SLC26A11: variants seen among roughly 807,000 people sequenced by gnomAD.
SLC26A11 encodes sodium-independent sulfate anion transporter.
In SLC26A11, 58 loss-of-function variants were observed where a neutral mutation model predicts 62.2. The ratio of observed to expected loss-of-function variants is 0.93; its 90% CI spans 0.76 to 1.16. The LOEUF is 1.16. SLC26A11 is among the 50% of genes most tolerant of loss of function. SLC26A11 has a pLI of 0.00. For missense variants in SLC26A11, 790 were observed against 794.3 expected, an observed-to-expected ratio of 0.99 and a Z score of 0.06; for synonymous variants, 411 against 368.9, an observed-to-expected ratio of 1.11 and a Z score of -1.31.
At chr17:80,242,487 G>A (rs748278563) in intron 10 of SLC26A11, among the ~76,000 whole-genome samples, 1 of 152,176 alleles carries the variant, frequency 6.6e-6, no homozygotes, top group Non-Finnish European at 1.5e-5. Context: ...GGGGTCAAGA[G>A]GGGAAGGCTG....
At chr17:80,239,038 G>C (rs2042783464) in intron 9 of SLC26A11, among the ~76,000 whole-genome samples, 1 of 150,862 alleles carries the variant, frequency 6.6e-6, no homozygotes, top group Admixed American at 6.6e-5. Flanking sequence ...TGTTGGCCAG[G>C]CTGGTCTCAA....
rs572936192 is a variant in SLC26A11, at chr17:80,228,322, G to A, written c.736+362G>A. On this transcript the variant is annotated intron_variant, in intron 7 of 17. Transcript: ENST00000361193. The surrounding 1 kb of genome is among the most constrained non-coding windows in gnomAD (Gnocchi z 4.1). ...TGATTTTTGTATTTATAGTAGAGAC[G>A]GGGTTTCACCATGTTGACCATACTG... 5.3e-5 allele frequency among the ~76,000 whole-genome samples: 8 copies of A among 152,206 alleles called. No individual in the cohort carries two copies. The highest frequency in any genetic ancestry group is 3.4e-3 in the Middle Eastern group (1 of 294).
intron 15 of SLC26A11, 57 bp from the exon 16 acceptor site, chr17:80,249,097 C>T: frequency 6.4e-7 from 1 of 1,572,962 alleles, no homozygotes; most frequent in Non-Finnish European, 8.6e-7. Context: ...TTGGCCTCTG[C>T]AGAGCAGCTT....
At chr17:80,251,667 G>A (rs749516032) in intron 17 of SLC26A11, among the ~76,000 whole-genome samples, 2 of 151,886 alleles carry the variant, frequency 1.3e-5, no homozygotes, top group Non-Finnish European at 2.9e-5. Flanking sequence ...GGAGGCTGAA[G>A]CAGGAGAATC....
Position 80,248,330 on chromosome 17 carries a change from G to T in SLC26A11, c.1422+73G>T. 2.6e-6 allele frequency: 4 copies of T among 1,520,378 alleles called. No homozygotes were observed. In the South Asian group the frequency reaches 3.7e-5, roughly 14 times the overall value. The allele number at this position is 1,520,378 out of a possible 1,614,324, so 94.2% of individuals were successfully genotyped here. A position where few individuals can be genotyped will look rare whatever the true frequency, so the allele number is the denominator to read the frequency against. On this transcript the variant is annotated intron_variant, in intron 14 of 17. Coordinates refer to ENST00000361193, the MANE Select transcript of SLC26A11 (RefSeq NM_001166347.2). ...CCTGGGCATGGTCTTATGTTTTGAG[G>T]GTCCGGGGTGATTGTGGTCGTGGGT...
At chr17:80,237,819 C>T (rs555082272) in intron 9 of SLC26A11, among the ~76,000 whole-genome samples, 1 of 152,370 alleles carries the variant, frequency 6.6e-6, no homozygotes, top group South Asian at 2.1e-4. Context: ...AGTGTTGTAA[C>T]AGCCTCTGCT....
chr17:80,228,007 G>T lies in SLC26A11; in HGVS notation c.736+47G>T. 6.4e-7 allele frequency: 1 copy of T among 1,554,714 alleles called. No individual in the cohort carries two copies. Among genetic ancestry groups the T allele is most frequent in the Non-Finnish European group, 8.7e-7 (1 of 1,149,618 alleles). Reference sequence around the variant, plus strand: ...TCTTATGCAACCTTGGCTGCAGGTTGGGGTCACTTGGGGAGTCCTAGTCCC... The same window carrying T: ...TCTTATGCAACCTTGGCTGCAGGTTTGGGTCACTTGGGGAGTCCTAGTCCC... On this transcript the variant is annotated intron_variant, in intron 7 of 17. Transcript: ENST00000361193. The surrounding 1 kb of genome is among the most constrained non-coding windows in gnomAD (Gnocchi z 4.1).
chr17:80,224,321 G>C (rs1242804838), intron 5 of SLC26A11, among the ~76,000 whole-genome samples: 2 of 149,882 alleles, frequency 1.3e-5, no homozygotes, highest in Admixed American at 6.7e-5. Flanking sequence ...GAGAGTGTGA[G>C]TGTGTATGAG....
intron 6 of SLC26A11, among the ~76,000 whole-genome samples, chr17:80,226,694 C>T (rs578167982): frequency 1.3e-5 from 2 of 152,286 alleles, no homozygotes; most frequent in South Asian, 4.1e-4. Flanking sequence ...GAGTGAGACT[C>T]CATCTCCGCC....
rs370818561 is a variant in SLC26A11, at chr17:80,250,296, C to T, written c.1656+1009C>T. On this transcript the variant is annotated intron_variant, in intron 16 of 17. Transcript: ENST00000361193. ...GTATACCCCAGGTGTGGACCACAGC[C>T]GACCCTTGTCAGAGTTTCCTTCATT... Among the ~76,000 whole-genome samples the T allele has an allele frequency of 2.4e-4, 36 of 152,270 alleles. 1 individual carries two copies. The highest frequency in any genetic ancestry group is 7.7e-4 in the African/African-American group (32 of 41,550).
chr17:80,251,292 AC>A (rs1291666299), intron 16 of SLC26A11, 36 bp from the exon 17 acceptor site: 1 of 1,613,814 alleles, frequency 6.2e-7, no homozygotes, highest in Non-Finnish European at 8.5e-7. Context: ...CTACAGAGGA[AC>A]ATCCCTGCCC....
chr17:80,230,644 T>G (rs1232713745), intron 7 of SLC26A11, among the ~76,000 whole-genome samples: 1 of 152,102 alleles, frequency 6.6e-6, no homozygotes, highest in East Asian at 1.9e-4. Context: ...TTGGGGCTGC[T>G]TTTTTCTCTA....
rs542509198 is a variant in SLC26A11, at chr17:80,223,140, G to T, written c.428-112G>T. 2 of 996,216 alleles carry T rather than the reference G, an allele frequency of 2.0e-6. No individual in the cohort carries two copies. The highest frequency in any genetic ancestry group is 1.6e-5 in the African/African-American group (1 of 62,410). 61.7% of individuals were successfully genotyped at this position (996,216 alleles called of 1,614,324 possible). On this transcript the variant is annotated intron_variant, in intron 4 of 17. Coordinates refer to ENST00000361193, the MANE Select transcript of SLC26A11 (RefSeq NM_001166347.2). This position sits in a 1 kb window ranked among gnomAD's most constrained non-coding sequence, Gnocchi z 4.6. ...GTGTTACCCCCAGTCCTTAGCTGCG[G>T]TATCTGCTCCCCAATCCCACCCATT...
In SLC26A11 at chr17:80,246,877, C is replaced by T. The variant is rs1359636139; in HGVS notation, c.1294+228C>T. ...TGTCCTGACACCTGGGGTCTTGAGG[C>T]GAGCACTGACCCGGGGGAGGGTCCC... On this transcript the variant is annotated intron_variant, in intron 13 of 17. Coordinates refer to ENST00000361193, the MANE Select transcript of SLC26A11 (RefSeq NM_001166347.2). The surrounding 1 kb of genome is among the most constrained non-coding windows in gnomAD (Gnocchi z 4.4). Among the ~76,000 whole-genome samples, 1 of 151,978 alleles carries T rather than the reference C, an allele frequency of 6.6e-6. No individual in the cohort carries two copies. Among genetic ancestry groups the T allele is most frequent in the Non-Finnish European group, 1.5e-5 (1 of 67,974 alleles).
chr17:80,244,677 A>C (rs2042949317), intron 10 of SLC26A11, among the ~76,000 whole-genome samples: 1 of 152,056 alleles, frequency 6.6e-6, no homozygotes, highest in South Asian at 2.1e-4. Flanking sequence ...CCCTGTCTCT[A>C]CTAAAAATAG....
intron 6 of SLC26A11, among the ~76,000 whole-genome samples, chr17:80,226,374 AGGC>A (rs909123007): frequency 2.0e-5 from 3 of 152,058 alleles, no homozygotes; most frequent in African/African-American, 7.2e-5. Flanking sequence ...ATGAGAGATG[AGGC>A]GACCCAAGCA....
In SLC26A11 at chr17:80,249,063, C is replaced by T. The variant is rs2043089362; in HGVS notation, c.1523-91C>T. 4 of 1,473,120 alleles carry T rather than the reference C, an allele frequency of 2.7e-6. No individual in the cohort carries two copies. In the East Asian group the frequency reaches 9.7e-5, roughly 36 times the overall value. 91.3% of individuals were successfully genotyped at this position (1,473,120 alleles called of 1,614,324 possible). A position where few individuals can be genotyped will look rare whatever the true frequency, so the allele number is the denominator to read the frequency against. ...GATGGAGCACTCTGGCCTCTCTGTC[C>T]CCTGCCCCTGGCCAGAGCCTCCTTT... On this transcript the variant is annotated intron_variant, in intron 15 of 17. Coordinates refer to ENST00000361193, the MANE Select transcript of SLC26A11 (RefSeq NM_001166347.2).
chr17:80,232,415 C>A (rs1341193533), intron 7 of SLC26A11, among the ~76,000 whole-genome samples: 1 of 152,118 alleles, frequency 6.6e-6, no homozygotes, highest in Non-Finnish European at 1.5e-5. Flanking sequence ...CCACCAAGCC[C>A]AGCTAATTTT....
chr17:80,248,126 C>T lies in SLC26A11; in HGVS notation c.1295-4C>T, dbSNP rs2043056911. 2.5e-6 allele frequency: 4 copies of T among 1,600,836 alleles called. No individual in the cohort carries two copies. Among genetic ancestry groups the T allele is most frequent in the Admixed American group, 1.7e-5 (1 of 59,888 alleles). On this transcript the variant is annotated splice_polypyrimidine_tract_variant and splice_region_variant and intron_variant, in intron 13 of 17. Coordinates refer to ENST00000361193, the MANE Select transcript of SLC26A11 (RefSeq NM_001166347.2). ...GGCATTCCTCAGCTGTGCCCTTCTC[C>T]TAGGGCTGGACCTGCTGCCCCTGTG...
Sources: gnomAD v4.1 joint callset for allele counts (sites outside exome capture counted in the v4.1 genomes callset) on GRCh38, gnomAD v4.1.1 for gene constraint, Gnocchi (gnomAD v3.1) non-coding constraint, MANE v1.5 for transcripts, NCBI Gene and HGNC (gene_info 2026-07-23, HGNC 2026-07-21) for gene names.